Variants in RAB22A observed in about 807,000 individuals in gnomAD.
The protein encoded by RAB22A is ras-related protein Rab-22A.
RAB22A carries 13 observed loss-of-function variants against 30.2 expected under a neutral mutation model. That is an observed-to-expected ratio of 0.43 (90% CI 0.28 to 0.68). The LOEUF is 0.68. Ranked by LOEUF, RAB22A falls within the 30% of genes least tolerant of loss-of-function variation. The probability of loss-of-function intolerance (pLI) is 0.18; values close to 1 mark genes in which losing one functional copy is unlikely to be tolerated. For missense variants in RAB22A, 177 were observed against 246.8 expected (o/e 0.72, Z 1.89); for synonymous variants, 89 against 87.2 (o/e 1.02, Z -0.11).
intron 2 of RAB22A, among the ~76,000 whole-genome samples, chr20:58,333,723 GAC>G (rs1986698791): frequency 6.6e-6 from 1 of 152,128 alleles, no homozygotes; most frequent in Non-Finnish European, 1.5e-5. Flanking sequence ...AAAAAATAGA[GAC>G]ACACAGAGAG....
At chr20:58,324,888 A>C (rs1402360816) in intron 2 of RAB22A, among the ~76,000 whole-genome samples, 2 of 131,416 alleles carry the variant, frequency 1.5e-5, no homozygotes, top group African/African-American at 5.6e-5. Flanking sequence ...AAAAAAAAAA[A>C]CTGTACGCCA....
rs145360815 is a variant in RAB22A at position 58,361,585 on chromosome 20, C to G, written c.*1882C>G. The G allele has an allele frequency of 6.6e-6, 1 of 152,276 alleles. No individual in the cohort carries two copies. Among genetic ancestry groups the G allele is most frequent in the East Asian group, 1.9e-4 (1 of 5,184 alleles). 9.4% of individuals were successfully genotyped at this position (152,276 alleles called of 1,614,324 possible). ...GATTCCCAGAGCCAGGCGCTTTACACCTAAAGTAGTTTGACTTTCTTCTGT... is the reference window on the plus strand; with the variant it reads ...GATTCCCAGAGCCAGGCGCTTTACAGCTAAAGTAGTTTGACTTTCTTCTGT... On this transcript the variant is annotated 3_prime_UTR_variant, in exon 7 of 7. Transcript: ENST00000244040.
intron 2 of RAB22A, among the ~76,000 whole-genome samples, chr20:58,332,376 A>T (rs1210013028): frequency 6.6e-6 from 1 of 152,152 alleles, no homozygotes; most frequent in Non-Finnish European, 1.5e-5. Context: ...GCTCAGAGCA[A>T]ACTCTTCACA....
chr20:58,349,804 A>G (rs971436608), intron 3 of RAB22A, among the ~76,000 whole-genome samples: 8 of 152,238 alleles, frequency 5.3e-5, no homozygotes, highest in African/African-American at 1.9e-4. Context: ...CCAAGCGTCT[A>G]CAGTGCATCA....
At chr20:58,356,430 T>C (rs1338315991) in intron 6 of RAB22A, among the ~76,000 whole-genome samples, 1 of 152,188 alleles carries the variant, frequency 6.6e-6, no homozygotes, top group Non-Finnish European at 1.5e-5. Flanking sequence ...TCACAAAGAT[T>C]AGAAAAATTG....
intron 3 of RAB22A, among the ~76,000 whole-genome samples, chr20:58,346,957 C>G (rs907501806): frequency 6.6e-6 from 1 of 152,204 alleles, no homozygotes; most frequent in Admixed American, 6.5e-5. Context: ...CTCTCAGCCC[C>G]TTGGCACATG....
chr20:58,366,896 T>C lies in RAB22A; in HGVS notation c.*7193T>C, dbSNP rs1987329432. On this transcript the variant is annotated 3_prime_UTR_variant, in exon 7 of 7. Coordinates refer to ENST00000244040, the MANE Select transcript of RAB22A (RefSeq NM_020673.3). ...TAAAAGTCTTGAAGAAAAACAGCTATGGCAATGAGCCTAGACATTTTTCAA... is the reference window on the plus strand; with the variant it reads ...TAAAAGTCTTGAAGAAAAACAGCTACGGCAATGAGCCTAGACATTTTTCAA... 1 of 152,422 alleles carries C rather than the reference T, an allele frequency of 6.6e-6. No homozygotes were observed. Among genetic ancestry groups the C allele is most frequent in the Admixed American group, 6.6e-5 (1 of 15,258 alleles). The allele number at this position is 152,422 out of a possible 1,614,324, so 9.4% of individuals were successfully genotyped here.
At position 58,363,039 on chromosome 20, in the gene RAB22A, C is replaced by G. The variant is rs1294480920; in HGVS notation, c.*3336C>G. ...CAAGGAGGAAAATTGGTCTAGGAAG[C>G]CTTCTAAATTAAACTCTGGGAAATA... On this transcript the variant is annotated 3_prime_UTR_variant, in exon 7 of 7. Coordinates refer to ENST00000244040, the MANE Select transcript of RAB22A (RefSeq NM_020673.3). 6.6e-6 allele frequency: 1 copy of G among 152,186 alleles called. No individual in the cohort carries two copies. The highest frequency in any genetic ancestry group is 6.5e-5 in the Admixed American group (1 of 15,276). 9.4% of individuals were successfully genotyped at this position (152,186 alleles called of 1,614,324 possible).
In RAB22A at chr20:58,363,554, C is replaced by T. The variant is rs1436019195; in HGVS notation, c.*3851C>T. 1 of 152,174 alleles carries T rather than the reference C, an allele frequency of 6.6e-6. No individual in the cohort carries two copies. The highest frequency in any genetic ancestry group is 1.5e-5 in the Non-Finnish European group (1 of 68,046). The allele number at this position is 152,174 out of a possible 1,614,324, so 9.4% of individuals were successfully genotyped here. Reference sequence around the variant, plus strand: ...CTAACCTCACTGGGCTATAAATGTTCCTTCTAACTCTGTAATGAAAGTTCA... The same window carrying T: ...CTAACCTCACTGGGCTATAAATGTTTCTTCTAACTCTGTAATGAAAGTTCA... On this transcript the variant is annotated 3_prime_UTR_variant, in exon 7 of 7. Coordinates refer to ENST00000244040, the MANE Select transcript of RAB22A (RefSeq NM_020673.3).
rs1987299471 is a variant in RAB22A, at chr20:58,365,506, G to C, written c.*5803G>C. 1 of 152,166 alleles carries C rather than the reference G, an allele frequency of 6.6e-6. No individual in the cohort carries two copies. Among genetic ancestry groups the C allele is most frequent in the Admixed American group, 6.5e-5 (1 of 15,284 alleles). The allele number at this position is 152,166 out of a possible 1,614,324, so 9.4% of individuals were successfully genotyped here. A position where few individuals can be genotyped will look rare whatever the true frequency, so the allele number is the denominator to read the frequency against. Reference sequence around the variant, plus strand: ...AAATTTTGAAGCCAGCACTGACTTTGTTTATATTCACTTACCTTGTATATG... The same window carrying C: ...AAATTTTGAAGCCAGCACTGACTTTCTTTATATTCACTTACCTTGTATATG... On this transcript the variant is annotated 3_prime_UTR_variant, in exon 7 of 7. Coordinates refer to ENST00000244040, the MANE Select transcript of RAB22A (RefSeq NM_020673.3).
intron 2 of RAB22A, among the ~76,000 whole-genome samples, chr20:58,315,798 G>A (rs959010813): frequency 4.6e-5 from 7 of 152,014 alleles, no homozygotes; most frequent in African/African-American, 9.7e-5. Context: ...CTATCTTGCC[G>A]GGGCTATTGA....
intron 2 of RAB22A, among the ~76,000 whole-genome samples, chr20:58,316,421 A>G (rs1201447818): frequency 6.6e-6 from 1 of 152,088 alleles, no homozygotes; most frequent in African/African-American, 2.4e-5. Context: ...ATGTAACTCC[A>G]GTTGCAACCA....
chr20:58,323,560 A>G (rs1406719153), intron 2 of RAB22A, among the ~76,000 whole-genome samples: 1 of 151,346 alleles, frequency 6.6e-6, no homozygotes, highest in Non-Finnish European at 1.5e-5. Context: ...CCATCATACC[A>G]TTATGTTTGC....
rs562505363 is a variant in RAB22A at position 58,366,277 on chromosome 20, A to AC, written c.*6579dup. ...GTGGTCACAGCAACAGGGACTGCTC[A>AC]CCCCCTCCAGCTGGGGCTTTTCTAA... On this transcript the variant is annotated 3_prime_UTR_variant, in exon 7 of 7. Transcript: ENST00000244040. 13 of 151,796 alleles carry AC rather than the reference A, an allele frequency of 8.6e-5. No individual in the cohort carries two copies. The East Asian group carries it at 1.7e-3, about 20-fold the overall frequency. The allele number at this position is 151,796 out of a possible 1,614,324, so 9.4% of individuals were successfully genotyped here. A position where few individuals can be genotyped will look rare whatever the true frequency, so the allele number is the denominator to read the frequency against.
intron 2 of RAB22A, among the ~76,000 whole-genome samples, chr20:58,332,913 A>C (rs1986686327): frequency 6.6e-6 from 1 of 152,134 alleles, no homozygotes; most frequent in East Asian, 1.9e-4. Context: ...GATAATAATT[A>C]TCTCTGACTT....
In RAB22A at chr20:58,365,993, C is replaced by T. The variant is rs1410090979; in HGVS notation, c.*6290C>T. The T allele has an allele frequency of 6.6e-6, 1 of 152,060 alleles. No individual in the cohort carries two copies. The highest frequency in any genetic ancestry group is 1.9e-4 in the East Asian group (1 of 5,198). 9.4% of individuals were successfully genotyped at this position (152,060 alleles called of 1,614,324 possible). On this transcript the variant is annotated 3_prime_UTR_variant, in exon 7 of 7. Transcript: ENST00000244040. The stretch of plus-strand genomic sequence containing the variant: ...CATTCGTTACGCTGTGTAGACAGAG[C>T]TTTATTGCCCTGGAAAAGATTTTTT...
chr20:58,309,942 G>A lies in RAB22A; in HGVS notation c.-35G>A, dbSNP rs1282115295. ...CCTGGCCTCTCCCTTCTCAACTTAGGGCGGCGGCGGGCCCGCGCCCCTGGC... is the reference window on the plus strand; with the variant it reads ...CCTGGCCTCTCCCTTCTCAACTTAGAGCGGCGGCGGGCCCGCGCCCCTGGC... On this transcript the variant is annotated 5_prime_UTR_variant, in exon 1 of 7. Coordinates refer to ENST00000244040, the MANE Select transcript of RAB22A (RefSeq NM_020673.3). 38 of 1,261,870 alleles carry A rather than the reference G, an allele frequency of 3.0e-5. No homozygotes were observed. The highest frequency in any genetic ancestry group is 3.5e-5 in the Non-Finnish European group (35 of 995,850). 78.2% of individuals were successfully genotyped at this position (1,261,870 alleles called of 1,614,324 possible). A position where few individuals can be genotyped will look rare whatever the true frequency, so the allele number is the denominator to read the frequency against.
At chr20:58,339,629 G>C (rs889968705) in intron 2 of RAB22A, among the ~76,000 whole-genome samples, 4 of 152,218 alleles carry the variant, frequency 2.6e-5, no homozygotes, top group Non-Finnish European at 5.9e-5. Flanking sequence ...TTGGATGCAA[G>C]TAACAAAGGA....
Position 58,309,770 on chromosome 20 carries a change from G to C in RAB22A, c.-207G>C, listed in dbSNP as rs1269270046. The C allele has an allele frequency of 3.0e-6, 1 of 334,700 alleles. No homozygotes were observed. Among genetic ancestry groups the C allele is most frequent in the South Asian group, 1.3e-4 (1 of 7,442 alleles). The allele number at this position is 334,700 out of a possible 1,614,324, so 20.7% of individuals were successfully genotyped here. ...GCGGCGGCGGCTCCCGGAAGGCCGCGGCGGCGTCCCGGCTGCTAAGGCGGG... is the reference window on the plus strand; with the variant it reads ...GCGGCGGCGGCTCCCGGAAGGCCGCCGCGGCGTCCCGGCTGCTAAGGCGGG... On this transcript the variant is annotated 5_prime_UTR_variant, in exon 1 of 7. Transcript: ENST00000244040.
Sources: gnomAD v4.1 joint callset for allele counts (sites outside exome capture counted in the v4.1 genomes callset) on GRCh38, gnomAD v4.1.1 for gene constraint, MANE v1.5 for transcripts, NCBI Gene and HGNC (gene_info 2026-07-23, HGNC 2026-07-21) for gene names.